Variants in FHIT observed in about 807,000 individuals in gnomAD.
FHIT encodes the protein bis(5'-adenosyl)-triphosphatase.
In FHIT, 19 loss-of-function variants were observed where a neutral mutation model predicts 17.9. The observed-to-expected ratio is 1.06, with a 90% CI of 0.74 to 1.56. The LOEUF is 1.56. FHIT is among the 40% of genes most tolerant of loss of function. FHIT has a pLI of 0.00. For synonymous variants in FHIT, 81 were observed against 69.7 expected (o/e 1.16, Z -0.81); for missense variants, 248 against 189.2 (o/e 1.31, Z -1.82).
chr3:61,039,484 A>G (rs2033403674), intron 3 of FHIT, among the ~76,000 whole-genome samples: 1 of 152,226 alleles, frequency 6.6e-6, no homozygotes, highest in Non-Finnish European at 1.5e-5. Context: ...CTGGATAAAG[A>G]AAATGTGGCA....
At chr3:59,950,392 C>G (rs138692727) in intron 7 of FHIT, among the ~76,000 whole-genome samples, 15 of 152,238 alleles carry the variant, frequency 9.9e-5, no homozygotes, top group Middle Eastern at 3.4e-3. Context: ...TTGCTTTGCT[C>G]CTTCCCATCA....
chr3:60,092,967 T>A (rs1413977659), intron 5 of FHIT, among the ~76,000 whole-genome samples: 4 of 152,090 alleles, frequency 2.6e-5, no homozygotes, highest in African/African-American at 7.2e-5. Flanking sequence ...AAGAAAAAAT[T>A]CCAAATGGAA....
intron 8 of FHIT, among the ~76,000 whole-genome samples, chr3:59,815,363 G>C (rs1700561988): frequency 6.6e-6 from 1 of 152,072 alleles, no homozygotes; most frequent in African/African-American, 2.4e-5. Context: ...ATTTGATCCA[G>C]CAATCCCACT....
intron 8 of FHIT, among the ~76,000 whole-genome samples, chr3:59,859,867 G>A (rs1287582460): frequency 1.3e-5 from 2 of 152,150 alleles, no homozygotes; most frequent in African/African-American, 4.8e-5. Flanking sequence ...ATGTGAATGG[G>A]GCCTGTGGAC....
Position 61,004,465 on chromosome 3 carries a change from T to C in FHIT, c.-111+37582A>G, listed in dbSNP as rs141179877. Among the ~76,000 whole-genome samples the C allele has an allele frequency of 4.6e-5, 7 of 152,260 alleles. No individual in the cohort carries two copies. In the East Asian group the frequency reaches 1.4e-3, roughly 29 times the overall value. On this transcript the variant is annotated intron_variant, in intron 3 of 9. Transcript: ENST00000492590. ...TATTTATAAAACTTTGGGTAGTATG[T>C]AGGAAAACCATAAGGGACATTCAAC...
intron 4 of FHIT, among the ~76,000 whole-genome samples, chr3:60,815,770 T>C (rs1553737461): frequency 6.6e-6 from 1 of 152,074 alleles, no homozygotes; most frequent in Non-Finnish European, 1.5e-5. Context: ...CTGTGAAATA[T>C]GGTAGAGTAG....
chr3:60,895,067 C>A (rs180790357), intron 3 of FHIT, among the ~76,000 whole-genome samples: 1 of 152,160 alleles, frequency 6.6e-6, no homozygotes. Context: ...AGTCTAGGAT[C>A]GCACTGGCTT....
rs190537170 is a variant in FHIT, at chr3:60,108,640, C to T, written c.104-94488G>A. 5.0e-3 allele frequency among the ~76,000 whole-genome samples: 750 copies of T among 150,984 alleles called. 7 individuals are homozygous for T. The highest frequency in any genetic ancestry group is 7.7e-3 in the Non-Finnish European group (522 of 67,878). On this transcript the variant is annotated intron_variant, in intron 5 of 9. Coordinates refer to ENST00000492590, the MANE Select transcript of FHIT (RefSeq NM_002012.4). ...TACCTTGTGCTTAGCATTTCTTGGC[C>T]TTTAATCCTGTCCCAGTTACTTCTC...
chr3:60,688,944 G>A (rs2040923149), intron 4 of FHIT, among the ~76,000 whole-genome samples: 1 of 152,098 alleles, frequency 6.6e-6, no homozygotes, highest in South Asian at 2.1e-4. Context: ...AAAATGCTCA[G>A]TGATATGGTG....
At chr3:60,009,782 A>T (rs940481099) in intron 7 of FHIT, among the ~76,000 whole-genome samples, 1 of 152,164 alleles carries the variant, frequency 6.6e-6, no homozygotes, top group East Asian at 1.9e-4. Context: ...TCCATTAGGA[A>T]TCATTCCCCA....
At chr3:60,086,675 T>A (rs921428775) in intron 5 of FHIT, among the ~76,000 whole-genome samples, 3 of 152,158 alleles carry the variant, frequency 2.0e-5, no homozygotes, top group African/African-American at 7.2e-5. Flanking sequence ...AGACATGATA[T>A]CTTAAAGCTA....
rs528958782 is a variant in FHIT at position 59,876,942 on chromosome 3, C to T, written c.348+45404G>A. ...TCACATGCTCAGCTAGCTGAGGAGACATCTGTGAAACAGTTCCTTGTCCAT... is the reference window on the plus strand; with the variant it reads ...TCACATGCTCAGCTAGCTGAGGAGATATCTGTGAAACAGTTCCTTGTCCAT... On this transcript the variant is annotated intron_variant, in intron 8 of 9. Transcript: ENST00000492590. 1.9e-3 allele frequency among the ~76,000 whole-genome samples: 291 copies of T among 152,252 alleles called. 1 individual carries two copies. Among genetic ancestry groups the T allele is most frequent in the African/African-American group, 6.8e-3 (284 of 41,552 alleles).
intron 5 of FHIT, among the ~76,000 whole-genome samples, chr3:60,069,575 TAA>T (rs1349926488): frequency 1.3e-5 from 2 of 152,216 alleles, no homozygotes; most frequent in South Asian, 2.1e-4. Context: ...TCATATATTT[TAA>T]AGAGATTTTC....
intron 8 of FHIT, among the ~76,000 whole-genome samples, chr3:59,796,769 A>G (rs1699793884): frequency 6.6e-6 from 1 of 152,202 alleles, no homozygotes; most frequent in African/African-American, 2.4e-5. Flanking sequence ...CAGTATTCTC[A>G]GTGACAAAGG....
chr3:60,089,788 G>T (rs1033346723), intron 5 of FHIT, among the ~76,000 whole-genome samples: 1 of 152,174 alleles, frequency 6.6e-6, no homozygotes, highest in Non-Finnish European at 1.5e-5. Context: ...CTTGTTGGCA[G>T]CTCCTTCGGA....
chr3:60,804,114 C>A (rs566135537), intron 4 of FHIT, among the ~76,000 whole-genome samples: 1 of 152,168 alleles, frequency 6.6e-6, no homozygotes, highest in Non-Finnish European at 1.5e-5. Flanking sequence ...CCTTTCATAA[C>A]CCTGTCCTAG....
chr3:60,587,679 T>C (rs1198312245), intron 4 of FHIT, among the ~76,000 whole-genome samples: 1 of 152,050 alleles, frequency 6.6e-6, no homozygotes, highest in Non-Finnish European at 1.5e-5. Flanking sequence ...AACAAGCCCA[T>C]GTAGTTATTT....
intron 4 of FHIT, among the ~76,000 whole-genome samples, chr3:60,643,869 G>A (rs1186229012): frequency 1.3e-5 from 2 of 152,120 alleles, no homozygotes; most frequent in African/African-American, 4.8e-5. Flanking sequence ...TGGAATCTAT[G>A]TTCTGTATTT....
chr3:60,154,935 T>C (rs1260572953), intron 5 of FHIT, among the ~76,000 whole-genome samples: 2 of 152,132 alleles, frequency 1.3e-5, no homozygotes, highest in South Asian at 2.1e-4. Flanking sequence ...ATGGCTCACA[T>C]ACACCTGTAA....
Sources: gnomAD v4.1 joint callset for allele counts (sites outside exome capture counted in the v4.1 genomes callset) on GRCh38, gnomAD v4.1.1 for gene constraint, MANE v1.5 for transcripts, NCBI Gene and HGNC (gene_info 2026-07-23, HGNC 2026-07-21) for gene names.